The following CCM2 variants were observed in gnomAD, a reference collection of about 807,000 sequenced individuals.
CCM2 encodes CCM2 scaffold protein.
In CCM2, 25 loss-of-function variants were observed where a neutral mutation model predicts 44.9. That is an observed-to-expected ratio of 0.56 (90% CI 0.41 to 0.78). The LOEUF (loss-of-function observed/expected upper bound fraction) is 0.78, where lower values mean the gene tolerates loss of function less well. Among genes scored for constraint, CCM2 ranks in the 30% least tolerant of loss-of-function variants. The pLI is 0.00. For synonymous variants in CCM2, 219 were observed against 241.1 expected (o/e 0.91, Z 0.85); for missense variants, 481 against 580.6 (o/e 0.83, Z 1.76).
intron 1 of CCM2, among the ~76,000 whole-genome samples, chr7:45,033,505 A>T (rs1409377574): frequency 6.6e-6 from 1 of 152,172 alleles, no homozygotes; most frequent in Non-Finnish European, 1.5e-5. Flanking sequence ...CAACAAATGG[A>T]GCCAGGCTGC....
At chr7:45,000,384 C>A in intron 1 of CCM2, 21 bp downstream of exon 1, 1 of 1,270,466 alleles carries the variant, frequency 7.9e-7, no homozygotes, top group Non-Finnish European at 1.0e-6. Context: ...GCGGGGGCGT[C>A]CTACTGCTGT....
At chr7:45,028,992 A>G (rs943088248) in intron 1 of CCM2, among the ~76,000 whole-genome samples, 3 of 152,172 alleles carry the variant, frequency 2.0e-5, no homozygotes, top group African/African-American at 7.2e-5. Flanking sequence ...CTCTGGGACT[A>G]TAGCCTATCA....
intron 2 of CCM2, among the ~76,000 whole-genome samples, chr7:45,050,614 G>A (rs944043138): frequency 6.6e-6 from 1 of 152,170 alleles, no homozygotes; most frequent in African/African-American, 2.4e-5. Flanking sequence ...TTATAAGTGA[G>A]GTTGAGTGTC....
At position 45,068,514 on chromosome 7, in the gene CCM2, C is replaced by G; in HGVS notation, c.544C>G (p.Leu182Val). The stretch of plus-strand genomic sequence containing the variant: ...TTCCAGAGGCCTCAGTGCAGGCTCC[C>G]TGTCGGAGAGTGCAGTTGGGCCCGT... ...ESSRGLSAGSLSESAVGPVEA... is the reference protein window; with the variant it reads ...ESSRGLSAGSVSESAVGPVEA... Residue 182 changes from leucine to valine, a missense_variant, in exon 5 of 10, where the codon CTG becomes GTG. Physicochemically the swap from Leu to Val is conservative, Grantham distance 32. Transcript: ENST00000258781. 11 of 1,614,184 alleles carry G rather than the reference C, an allele frequency of 6.8e-6. No homozygotes were observed. Among genetic ancestry groups the G allele is most frequent in the Non-Finnish European group, 9.3e-6 (11 of 1,180,028 alleles).
chr7:45,038,842 T>C (rs145382148), intron 2 of CCM2, among the ~76,000 whole-genome samples: 6 of 152,340 alleles, frequency 3.9e-5, no homozygotes, highest in African/African-American at 1.4e-4. Context: ...AGGCTCATCA[T>C]TGGGTCTCAA....
chr7:45,011,142 A>G (rs1008369235), intron 1 of CCM2, among the ~76,000 whole-genome samples: 2 of 152,010 alleles, frequency 1.3e-5, no homozygotes, highest in East Asian at 3.9e-4. Flanking sequence ...TGCAGTTCTC[A>G]TGCCTCAACC....
chr7:45,032,652 C>G (rs1044752326), intron 1 of CCM2, among the ~76,000 whole-genome samples: 1 of 152,188 alleles, frequency 6.6e-6, no homozygotes, highest in African/African-American at 2.4e-5. Context: ...AAGGGCCTCC[C>G]CAGATGCCTA....
chr7:45,062,886 A>G (rs555589825), intron 2 of CCM2, among the ~76,000 whole-genome samples: 1 of 151,702 alleles, frequency 6.6e-6, no homozygotes, highest in South Asian at 2.1e-4. Flanking sequence ...TGAAGGGCAC[A>G]GCTGGTGAGG....
chr7:45,075,013 G>A (rs1180539387), intron 9 of CCM2, among the ~76,000 whole-genome samples: 1 of 152,200 alleles, frequency 6.6e-6, no homozygotes, highest in Non-Finnish European at 1.5e-5. Context: ...TCTGGGTCCT[G>A]GCCTGTTTTC....
intron 2 of CCM2, among the ~76,000 whole-genome samples, chr7:45,046,403 C>T (rs1797757977): frequency 6.6e-6 from 1 of 152,186 alleles, no homozygotes; most frequent in Non-Finnish European, 1.5e-5. Flanking sequence ...GGGACTGACA[C>T]AGAGATCAGG....
intron 2 of CCM2, among the ~76,000 whole-genome samples, chr7:45,055,990 C>A (rs1798241919): frequency 6.6e-6 from 1 of 152,214 alleles, no homozygotes; most frequent in Admixed American, 6.5e-5. Flanking sequence ...CAAGGTTCTT[C>A]CATGTCGTAG....
intron 2 of CCM2, among the ~76,000 whole-genome samples, chr7:45,040,792 G>T (rs1473395576): frequency 6.6e-6 from 1 of 152,210 alleles, no homozygotes; most frequent in Non-Finnish European, 1.5e-5. Flanking sequence ...TTTGAGATCA[G>T]CCTGGCCAAC....
At chr7:45,043,907 T>C (rs1776590389) in intron 2 of CCM2, among the ~76,000 whole-genome samples, 1 of 152,220 alleles carries the variant, frequency 6.6e-6, no homozygotes, top group African/African-American at 2.4e-5. Flanking sequence ...TTGGTCCTTT[T>C]TTATAACTCC....
At chr7:45,023,532 AGAGT>A (rs1273763485) in intron 1 of CCM2, among the ~76,000 whole-genome samples, 6 of 152,210 alleles carry the variant, frequency 3.9e-5, no homozygotes, top group Admixed American at 3.9e-4. Context: ...CCTGGATGAC[AGAGT>A]GAGACTCCGT....
At chr7:45,033,192 A>G (rs1295745379) in intron 1 of CCM2, among the ~76,000 whole-genome samples, 2 of 152,028 alleles carry the variant, frequency 1.3e-5, no homozygotes, top group Admixed American at 1.3e-4. Flanking sequence ...AAGAGTTCCT[A>G]CTATTTCTCA....
chr7:45,028,586 G>T (rs779823798), intron 1 of CCM2, among the ~76,000 whole-genome samples: 47 of 152,260 alleles, frequency 3.1e-4, no homozygotes, highest in Non-Finnish European at 6.0e-4. Flanking sequence ...GAACCCGGGA[G>T]GTGGAGGTTG....
chr7:45,073,451 C>CT lies in CCM2; in HGVS notation c.804-6dup. The CT allele has an allele frequency of 3.1e-6, 5 of 1,609,496 alleles. No homozygotes were observed. The highest frequency in any genetic ancestry group is 3.4e-6 in the Non-Finnish European group (4 of 1,176,258). On this transcript the variant is annotated splice_polypyrimidine_tract_variant and intron_variant, in intron 7 of 9. Transcript: ENST00000258781. ...AAGCCACCCGCTCACATACCACATT[C>CT]TTTCGCAGCTGCTTCCCTGAATCTG... is the stretch of plus-strand genomic sequence containing the variant.
At chr7:45,074,696 C>G (rs1799259783) in intron 9 of CCM2, among the ~76,000 whole-genome samples, 1 of 152,126 alleles carries the variant, frequency 6.6e-6, no homozygotes, top group Non-Finnish European at 1.5e-5. Flanking sequence ...AGCAGAGATC[C>G]CCCAGGAGCA....
intron 1 of CCM2, among the ~76,000 whole-genome samples, chr7:45,001,125 C>G (rs147692342): frequency 6.6e-6 from 1 of 152,204 alleles, no homozygotes; most frequent in Non-Finnish European, 1.5e-5. Context: ...AAGTTTAAAG[C>G]AGACCTCGAT....
Sources: allele counts gnomAD v4.1 joint callset (sites outside exome capture counted in the v4.1 genomes callset), GRCh38; gene constraint gnomAD v4.1.1; transcripts MANE v1.5; gene names NCBI Gene and HGNC (gene_info 2026-07-23, HGNC 2026-07-21).